Variants in GOLGA1 observed in about 807,000 individuals in gnomAD.
GOLGA1 encodes the protein golgin A1, also known as golgin subfamily A member 1.
A neutral mutation model predicts 119.7 loss-of-function variants in GOLGA1; 63 were observed. That is an observed-to-expected ratio of 0.53 (90% CI 0.43 to 0.65). The LOEUF (loss-of-function observed/expected upper bound fraction) is 0.65, where lower values mean the gene tolerates loss of function less well. Ranked by LOEUF, GOLGA1 falls within the 30% of genes least tolerant of loss-of-function variation. GOLGA1 has a pLI of 0.00. For synonymous variants in GOLGA1, 318 were observed against 333.4 expected, an observed-to-expected ratio of 0.95 and a Z score of 0.50; for missense variants, 798 against 912.8, an observed-to-expected ratio of 0.87 and a Z score of 1.62.
chr9:124,899,263 G>T, intron 14 of GOLGA1, 66 bp downstream of exon 14: 3 of 1,435,842 alleles, frequency 2.1e-6, no homozygotes, highest in South Asian at 1.3e-5. Context: ...TGTCAAGCAC[G>T]AGGCTGACTT....
intron 19 of GOLGA1, chr9:124,887,527 G>A (rs889812344): frequency 6.6e-6 from 1 of 151,788 alleles, no homozygotes; most frequent in Admixed American, 6.6e-5. Flanking sequence ...CATTGGCTAC[G>A]ATACTGCCAC....
At position 124,935,051 on chromosome 9, in the gene GOLGA1, G is replaced by GA. The variant is rs894207277; in HGVS notation, c.135+3525dup. ...GCCAGAAAGAGATCCCTGTCTCAAAGAAAAAAAAAGGTCACTTTGGGGACA... is the reference window on the plus strand; with the variant it reads ...GCCAGAAAGAGATCCCTGTCTCAAAGAAAAAAAAAAGGTCACTTTGGGGACA... On this transcript the variant is annotated intron_variant, in intron 3 of 22. Coordinates refer to ENST00000373555, the MANE Select transcript of GOLGA1 (RefSeq NM_002077.4). Among the ~76,000 whole-genome samples, 3 of 150,244 alleles carry GA rather than the reference G, an allele frequency of 2.0e-5. 1 individual carries two copies. The highest frequency in any genetic ancestry group is 1.9e-4 in the East Asian group (1 of 5,136).
intron 3 of GOLGA1, among the ~76,000 whole-genome samples, chr9:124,935,599 C>A (rs1258675576): frequency 2.0e-5 from 3 of 151,934 alleles, no homozygotes; most frequent in Non-Finnish European, 4.4e-5. Flanking sequence ...GAGTTCAAGA[C>A]CAGACTGGGC....
Position 124,889,179 on chromosome 9 carries a change from T to C in GOLGA1, c.1725A>G (p.Pro575=), listed in dbSNP as rs749773001. 1.9e-6 allele frequency: 3 copies of C among 1,612,292 alleles called. No individual in the cohort carries two copies. Among genetic ancestry groups the C allele is most frequent in the East Asian group, 2.2e-5 (1 of 44,888 alleles). ...TGACTGAGAGTGCTTCGGCCTGCAATGGGCCCCGCAGCCTCAGCAGGTCCT... is the reference window on the plus strand; with the variant it reads ...TGACTGAGAGTGCTTCGGCCTGCAACGGGCCCCGCAGCCTCAGCAGGTCCT... The part of the protein sequence containing the change: ...EQEDLLRLRG[P]LQAEALSVNE... Residue 575 remains proline (P), a synonymous_variant, in exon 18 of 23, where the codon CCA becomes CCG. Coordinates refer to ENST00000373555, the MANE Select transcript of GOLGA1 (RefSeq NM_002077.4).
intron 4 of GOLGA1, 130 bp from the exon 5 acceptor site, chr9:124,929,420 TAGAC>T (rs1173617601): frequency 1.5e-6 from 1 of 679,340 alleles, no homozygotes; most frequent in East Asian, 2.7e-5. Context: ...TAAGGAAAGC[TAGAC>T]AGACAGCCTC....
At chr9:124,941,969 C>CT (rs1307184231), upstream of GOLGA1, among the ~76,000 whole-genome samples, 2 of 152,120 alleles carry the variant, frequency 1.3e-5, no homozygotes, top group Admixed American at 1.3e-4. Context: ...AGAGGAAAAA[C>CT]TATCTTGTTC....
chr9:124,914,841 A>G (rs1377400346), intron 10 of GOLGA1, among the ~76,000 whole-genome samples: 2 of 152,246 alleles, frequency 1.3e-5, no homozygotes, highest in Non-Finnish European at 2.9e-5. Flanking sequence ...TAGATGACCC[A>G]TTCCAGTTAA....
chr9:124,928,418 G>A (rs1176816672), intron 5 of GOLGA1, 133 bp from the exon 6 acceptor site: 3 of 505,086 alleles, frequency 5.9e-6, no homozygotes, highest in Admixed American at 4.0e-5. Context: ...ACTAGGAAAA[G>A]CTGGATCCAC....
At chr9:124,926,684 G>C (rs377067684) in intron 7 of GOLGA1, 25 bp downstream of exon 7, 1 of 1,510,018 alleles carries the variant, frequency 6.6e-7, no homozygotes, top group South Asian at 1.1e-5. Context: ...CAACAAAAAT[G>C]AGACAAAAAT....
intron 10 of GOLGA1, among the ~76,000 whole-genome samples, chr9:124,917,227 G>C (rs1236582059): frequency 1.3e-5 from 2 of 152,190 alleles, no homozygotes; most frequent in Non-Finnish European, 2.9e-5. Flanking sequence ...GAAGGGCACA[G>C]AGGGAACCTC....
intron 14 of GOLGA1, 116 bp from the exon 15 acceptor site, chr9:124,898,760 A>C: frequency 1.5e-6 from 1 of 659,118 alleles, no homozygotes; most frequent in South Asian, 1.9e-5. Context: ...TTTAAAAGCC[A>C]ATGGGAAGAA....
At chr9:124,917,541 T>C (rs886173606) in intron 10 of GOLGA1, among the ~76,000 whole-genome samples, 1 of 151,964 alleles carries the variant, frequency 6.6e-6, no homozygotes, top group Non-Finnish European at 1.5e-5. Context: ...TACCCATTAT[T>C]ATCTTCACCA....
intron 3 of GOLGA1, 123 bp from the exon 4 acceptor site, chr9:124,931,529 G>C (rs1326253925): frequency 6.4e-6 from 4 of 622,396 alleles, no homozygotes; most frequent in Non-Finnish European, 1.2e-5. Flanking sequence ...TCACTGAAAA[G>C]CTGGGCCTAG....
rs1243415067 is a variant in GOLGA1, at chr9:124,879,259, G to A, written c.*1271C>T. On this transcript the variant is annotated 3_prime_UTR_variant, in exon 23 of 23. Transcript: ENST00000373555. Reference sequence around the variant, plus strand: ...GTGAAACTTTCATCAAACAATAAACGGTTTCCTTTTAGATTCAATATTGTG... The same window carrying A: ...GTGAAACTTTCATCAAACAATAAACAGTTTCCTTTTAGATTCAATATTGTG... The A allele has an allele frequency of 6.6e-6, 1 of 152,002 alleles. No homozygotes were observed. The highest frequency in any genetic ancestry group is 6.6e-5 in the Admixed American group (1 of 15,256). 9.4% of individuals were successfully genotyped at this position (152,002 alleles called of 1,614,324 possible).
At chr9:124,886,531 G>C (rs1284531902) in intron 19 of GOLGA1, among the ~76,000 whole-genome samples, 1 of 152,164 alleles carries the variant, frequency 6.6e-6, no homozygotes, top group Non-Finnish European at 1.5e-5. Context: ...GAGAAGAGGA[G>C]TGGGAATGGA....
At position 124,929,307 on chromosome 9, in the gene GOLGA1, G is replaced by C. The variant is rs773459779; in HGVS notation, c.227-17C>G. 5 of 1,513,368 alleles carry C rather than the reference G, an allele frequency of 3.3e-6. No individual in the cohort carries two copies. Among genetic ancestry groups the C allele is most frequent in the Non-Finnish European group, 4.6e-6 (5 of 1,088,384 alleles). The allele number at this position is 1,513,368 out of a possible 1,614,324, so 93.7% of individuals were successfully genotyped here. A position where few individuals can be genotyped will look rare whatever the true frequency, so the allele number is the denominator to read the frequency against. On this transcript the variant is annotated splice_polypyrimidine_tract_variant and intron_variant, in intron 4 of 22. Coordinates refer to ENST00000373555, the MANE Select transcript of GOLGA1 (RefSeq NM_002077.4). ...CAGCATAGTCTTGGGTGAGGAGGGT[G>C]ACGCACATACCAGAAATGGACAAAC...
At chr9:124,893,318 C>A (rs1390659081) in intron 15 of GOLGA1, among the ~76,000 whole-genome samples, 1 of 152,146 alleles carries the variant, frequency 6.6e-6, no homozygotes, top group Non-Finnish European at 1.5e-5. Flanking sequence ...TGTCTTTTAT[C>A]ATAACTATAA....
rs771518715 is a variant in GOLGA1, at chr9:124,888,302, A to T, written c.1856T>A (p.Leu619Gln). Residue 619 changes from leucine to glutamine, a missense_variant, in exon 19 of 23, where the codon CTA becomes CAA. Coordinates refer to ENST00000373555, the MANE Select transcript of GOLGA1 (RefSeq NM_002077.4). This position sits in a 1 kb window ranked among gnomAD's most constrained non-coding sequence, Gnocchi z 4.4. The part of the protein sequence containing the change: ...GEVGAMDLTQ[L>Q]QKEKQDLEQQ... The stretch of plus-strand genomic sequence containing the variant: ...CTCCAAGTCCTGTTTCTCCTTCTGT[A>T]GCTGTGTGAGATCCATGGCCCCAAC... 5 of 1,613,996 alleles carry T rather than the reference A, an allele frequency of 3.1e-6. No homozygotes were observed. In the Admixed American group the frequency reaches 8.3e-5, roughly 27 times the overall value.
chr9:124,911,875 G>A, intron 11 of GOLGA1, 26 bp downstream of exon 11: 1 of 1,603,344 alleles, frequency 6.2e-7, no homozygotes, highest in Middle Eastern at 1.7e-4. Context: ...TCCAACACCA[G>A]CCAGCCCAAA....
Sources: allele counts gnomAD v4.1 joint callset (sites outside exome capture counted in the v4.1 genomes callset), GRCh38; gene constraint gnomAD v4.1.1; non-coding constraint Gnocchi (gnomAD v3.1); transcripts MANE v1.5; gene names NCBI Gene and HGNC (gene_info 2026-07-23, HGNC 2026-07-21).